Variants in SHISAL1 observed in about 807,000 individuals in gnomAD.
The protein encoded by SHISAL1 is shisa like 1.
A neutral mutation model predicts 22.6 loss-of-function variants in SHISAL1; 9 were observed. That is an observed-to-expected ratio of 0.40 (90% confidence interval 0.24 to 0.70). SHISAL1 has a LOEUF of 0.70. SHISAL1 is among the 30% of genes least tolerant of loss of function. The pLI is 0.39. For missense variants in SHISAL1, 246 were observed against 270.6 expected, an observed-to-expected ratio of 0.91 and a Z score of 0.64; for synonymous variants, 119 against 115.4, an observed-to-expected ratio of 1.03 and a Z score of -0.20.
chr22:44,302,151 A>G (rs992289460), intron 1 of SHISAL1, among the ~76,000 whole-genome samples: 9 of 152,092 alleles, frequency 5.9e-5, no homozygotes, highest in Non-Finnish European at 1.3e-4. Context: ...GACCAGCCTG[A>G]CCAACCTGGA....
At chr22:44,314,994 A>C (rs1407978377), upstream of SHISAL1, among the ~76,000 whole-genome samples, 2 of 152,320 alleles carry the variant, frequency 1.3e-5, no homozygotes, top group African/African-American at 4.8e-5. Context: ...GTTCTTTTTG[A>C]GAGTGCATCT....
At chr22:44,317,254 G>A (rs1370142876), upstream of SHISAL1, among the ~76,000 whole-genome samples, 1 of 152,180 alleles carries the variant, frequency 6.6e-6, no homozygotes, top group Non-Finnish European at 1.5e-5. Context: ...GGAAGGACGT[G>A]CCTCTCGAAT....
chr22:44,275,730 G>A (rs188951622), intron 4 of SHISAL1, among the ~76,000 whole-genome samples: 79 of 152,264 alleles, frequency 5.2e-4, no homozygotes, highest in Admixed American at 1.6e-3. Context: ...ATCTCTCTCC[G>A]AGCCTTGGTG....
At chr22:44,303,742 A>G (rs1319804911) in intron 1 of SHISAL1, among the ~76,000 whole-genome samples, 1 of 152,114 alleles carries the variant, frequency 6.6e-6, no homozygotes, top group African/African-American at 2.4e-5. Context: ...GGTCCACACG[A>G]GGAAGCTCAC....
intron 3 of SHISAL1, among the ~76,000 whole-genome samples, chr22:44,293,417 G>T (rs1045652212): frequency 4.6e-5 from 7 of 152,188 alleles, no homozygotes; most frequent in African/African-American, 1.4e-4. Flanking sequence ...CACCGGGGTG[G>T]TGGGGAGGAG....
At chr22:44,306,142 C>T (rs565347933) in intron 1 of SHISAL1, among the ~76,000 whole-genome samples, 4 of 152,368 alleles carry the variant, frequency 2.6e-5, no homozygotes, top group Admixed American at 6.5e-5. Context: ...CCCAGTCAGG[C>T]TTCCATGAGG....
At chr22:44,314,214 G>C (rs1167264207), upstream of SHISAL1, among the ~76,000 whole-genome samples, 2 of 148,566 alleles carry the variant, frequency 1.3e-5, no homozygotes, top group Admixed American at 1.3e-4. Flanking sequence ...GGGTGGGGGT[G>C]GGGGAGTGTT....
chr22:44,272,597 A>G (rs2147281525), intron 4 of SHISAL1, among the ~76,000 whole-genome samples: 1 of 152,358 alleles, frequency 6.6e-6, no homozygotes, highest in South Asian at 2.1e-4. Flanking sequence ...AGGATGCCCA[A>G]GACGTTTCCT....
At chr22:44,307,282 T>C (rs1345233187) in intron 1 of SHISAL1, among the ~76,000 whole-genome samples, 1 of 152,138 alleles carries the variant, frequency 6.6e-6, no homozygotes, top group Non-Finnish European at 1.5e-5. Flanking sequence ...ACCCTGGTAT[T>C]CACTGCACTG....
At chr22:44,278,948 CCTCTCATCACCATCATTGTCCAGGGCAGG>C (rs1395324521) in intron 4 of SHISAL1, among the ~76,000 whole-genome samples, 11 of 152,050 alleles carry the variant, frequency 7.2e-5, no homozygotes, top group Admixed American at 1.3e-4. Flanking sequence ...ACCCTCGGGA[CCTCTCATCACCATCATTGTCCAGGGCAGG>C]CTCTCATCAC....
chr22:44,318,568 C>T, the SHISAL1 span, among the ~76,000 whole-genome samples: 2 of 152,324 alleles, frequency 1.3e-5, no homozygotes, highest in African/African-American at 2.4e-5. Context: ...GACTTAGCCT[C>T]TCTGGACCCT....
intron 1 of SHISAL1, among the ~76,000 whole-genome samples, chr22:44,312,351 G>A (rs1043532334): frequency 6.6e-6 from 1 of 152,138 alleles, no homozygotes; most frequent in Non-Finnish European, 1.5e-5. Flanking sequence ...AGGGCATCCT[G>A]AGAGCACTCC....
upstream of SHISAL1, among the ~76,000 whole-genome samples, chr22:44,316,689 C>T (rs1185672670): frequency 3.9e-5 from 6 of 152,218 alleles, no homozygotes; most frequent in East Asian, 3.8e-4. Flanking sequence ...TGGCATCTCC[C>T]GGGAGCTGTT....
chr22:44,271,073 G>A (rs1440336643), intron 4 of SHISAL1, among the ~76,000 whole-genome samples: 1 of 152,116 alleles, frequency 6.6e-6, no homozygotes, highest in East Asian at 1.9e-4. Flanking sequence ...TATGAGTGGG[G>A]TACTGAGCTA....
At chr22:44,317,031 T>C (rs1160427076), upstream of SHISAL1, among the ~76,000 whole-genome samples, 1 of 152,188 alleles carries the variant, frequency 6.6e-6, no homozygotes, top group East Asian at 1.9e-4. Flanking sequence ...AGAGCTGCAG[T>C]GGAGACCACA....
At chr22:44,257,459 G>C (rs957212132) in intron 4 of SHISAL1, among the ~76,000 whole-genome samples, 1 of 151,954 alleles carries the variant, frequency 6.6e-6, no homozygotes, top group African/African-American at 2.4e-5. Context: ...TTCATGATTT[G>C]TGGCATTAAT....
At chr22:44,250,494 T>C (rs999166061) in intron 4 of SHISAL1, among the ~76,000 whole-genome samples, 2 of 152,170 alleles carry the variant, frequency 1.3e-5, no homozygotes, top group Non-Finnish European at 2.9e-5. Flanking sequence ...GGAAAAGAAA[T>C]ACAGACTCCA....
chr22:44,264,407 G>A (rs1456092337), intron 4 of SHISAL1, among the ~76,000 whole-genome samples: 2 of 152,192 alleles, frequency 1.3e-5, no homozygotes, highest in East Asian at 1.9e-4. Flanking sequence ...ATATGGGAGA[G>A]CTTTATGGGA....
intron 3 of SHISAL1, among the ~76,000 whole-genome samples, chr22:44,293,319 AG>A (rs1306577407): frequency 2.0e-5 from 3 of 152,170 alleles, no homozygotes; most frequent in African/African-American, 7.2e-5. Context: ...GAGAATGACA[AG>A]GGATGGGATC....
Sources: gnomAD v4.1 joint callset for allele counts (sites outside exome capture counted in the v4.1 genomes callset) on GRCh38, gnomAD v4.1.1 for gene constraint, MANE v1.5 for transcripts, NCBI Gene and HGNC (gene_info 2026-07-23, HGNC 2026-07-21) for gene names.